ZNF530: variants seen among roughly 807,000 people sequenced by gnomAD.
ZNF530 encodes zinc finger protein 530.
A neutral mutation model predicts 2.8 loss-of-function variants in ZNF530; 5 were observed. The ratio of observed to expected loss-of-function variants is 1.80; its 90% CI spans 0.94 to 3.78. The LOEUF (loss-of-function observed/expected upper bound fraction) is 3.78, where lower values mean the gene tolerates loss of function less well. Among genes scored for constraint, ZNF530 ranks in the 30% most tolerant of loss-of-function variants. The pLI is 0.00. For synonymous variants in ZNF530, 229 were observed against 235.0 expected, an observed-to-expected ratio of 0.97 and a Z score of 0.23; for missense variants, 619 against 673.3, an observed-to-expected ratio of 0.92 and a Z score of 0.89.
chr19:57,604,295 G>A lies in ZNF530; in HGVS notation c.-51G>A, dbSNP rs1204009848. On this transcript the variant is annotated 5_prime_UTR_variant, in exon 3 of 4. Transcript: ENST00000597700. ...ATCATAGCAGGTTTTTGTAGCCTTT[G>A]AGGATGTGGCCATTTACTTCTCCCA... The A allele has an allele frequency of 3.1e-6, 5 of 1,614,144 alleles. No individual in the cohort carries two copies. The highest frequency in any genetic ancestry group is 3.3e-5 in the Admixed American group (2 of 60,024).
Position 57,600,013 on chromosome 19 carries a change from C to T in ZNF530, c.-243C>T. Reference sequence around the variant, plus strand: ...AGAGTCGTTTTCTCAGCTGCACAGCCGGGGCCTGACGGTCGCCGGCGGTGG... The same window carrying T: ...AGAGTCGTTTTCTCAGCTGCACAGCTGGGGCCTGACGGTCGCCGGCGGTGG... On this transcript the variant is annotated 5_prime_UTR_variant, in exon 1 of 4. Coordinates refer to ENST00000597700, the MANE Select transcript of ZNF530 (RefSeq NM_001321981.2). The T allele has an allele frequency of 7.2e-7, 1 of 1,397,384 alleles. No individual in the cohort carries two copies. The highest frequency in any genetic ancestry group is 9.6e-7 in the Non-Finnish European group (1 of 1,040,248). The allele number at this position is 1,397,384 out of a possible 1,614,324, so 86.6% of individuals were successfully genotyped here.
intron 2 of ZNF530, among the ~76,000 whole-genome samples, chr19:57,603,354 T>C (rs1980340135): frequency 6.6e-6 from 1 of 152,194 alleles, no homozygotes; most frequent in Admixed American, 6.5e-5. Flanking sequence ...AGCCAAACCA[T>C]ATTAGAGACA....
At chr19:57,611,053 A>G (rs988724285), downstream of ZNF530, among the ~76,000 whole-genome samples, 1 of 152,190 alleles carries the variant, frequency 6.6e-6, no homozygotes, top group Non-Finnish European at 1.5e-5. Flanking sequence ...CCTTGAGAGC[A>G]AGGCAAGCCA....
rs1980133680 is a variant in ZNF530 at position 57,599,940 on chromosome 19, G to T, written c.-316G>T. 5.5e-6 allele frequency: 4 copies of T among 721,676 alleles called. No homozygotes were observed. The highest frequency in any genetic ancestry group is 8.5e-6 in the Non-Finnish European group (4 of 468,740). The allele number at this position is 721,676 out of a possible 1,614,324, so 44.7% of individuals were successfully genotyped here. On this transcript the variant is annotated 5_prime_UTR_variant, in exon 1 of 4. Coordinates refer to ENST00000597700, the MANE Select transcript of ZNF530 (RefSeq NM_001321981.2). ...ACTTTGGCTTGTGTCAGTTCCATCC[G>T]CGGGTGCCGGATCTGGACCTAGGTG...
At chr19:57,603,082 G>A (rs1165207913) in intron 2 of ZNF530, among the ~76,000 whole-genome samples, 1 of 152,086 alleles carries the variant, frequency 6.6e-6, no homozygotes, top group Non-Finnish European at 1.5e-5. Context: ...GTAGAGACGG[G>A]GTTTCACCAC....
Position 57,606,601 on chromosome 19 carries a change from C to A in ZNF530, c.977C>A (p.Ser326Tyr). The change falls in exon 4 of 4, where the codon TCC becomes TAC. Residue 326 changes from serine to tyrosine, a missense_variant. Ser to Tyr is a moderately radical substitution (Grantham distance 144, BLOSUM62 -2). Coordinates refer to ENST00000597700, the MANE Select transcript of ZNF530 (RefSeq NM_001321981.2). Reference protein sequence around the residue: ...RPYECSECGKSFSHSTNLFRH... With the variant: ...RPYECSECGKYFSHSTNLFRH... ...TATGAGTGCAGTGAATGTGGAAAAT[C>A]CTTTAGCCATAGCACTAACCTCTTT... 6.2e-7 allele frequency: 1 copy of A among 1,613,982 alleles called. No homozygotes were observed. Among genetic ancestry groups the A allele is most frequent in the East Asian group, 2.2e-5 (1 of 44,856 alleles).
At chr19:57,605,616 A>G in intron 3 of ZNF530, 70 bp from the exon 4 acceptor site, 2 of 1,444,908 alleles carry the variant, frequency 1.4e-6, no homozygotes, top group Non-Finnish European at 1.9e-6. Flanking sequence ...TCATTCTTTG[A>G]CACACATTTT....
chr19:57,612,467 G>T (rs1980910939), downstream of ZNF530: 2 of 400,532 alleles, frequency 5.0e-6, no homozygotes, highest in African/African-American at 4.1e-5. Flanking sequence ...TATTCTGATA[G>T]CACTTTCTAA....
chr19:57,611,929 C>T (rs1162855489), downstream of ZNF530, among the ~76,000 whole-genome samples: 3 of 152,190 alleles, frequency 2.0e-5, no homozygotes, highest in Middle Eastern at 3.4e-3. Context: ...TAGAGACCAC[C>T]CCTGTAAATC....
At chr19:57,611,885 CTACTCT>C (rs2123471544), downstream of ZNF530, among the ~76,000 whole-genome samples, 1 of 152,222 alleles carries the variant, frequency 6.6e-6, no homozygotes, top group Non-Finnish European at 1.5e-5. Flanking sequence ...TCTTATCTAC[CTACTCT>C]AACACCAGGG....
At position 57,608,621 on chromosome 19, in the gene ZNF530, C is replaced by A. The variant is rs1980721830; in HGVS notation, c.*1296C>A. ...TAATGCCCTGCAATGTTTAGAATCC[C>A]TTAATGAGGTCCTGTGAAGGAGCTG... On this transcript the variant is annotated 3_prime_UTR_variant, in exon 4 of 4. Transcript: ENST00000597700. 6.6e-6 allele frequency: 1 copy of A among 152,108 alleles called. No individual in the cohort carries two copies. The highest frequency in any genetic ancestry group is 1.5e-5 in the Non-Finnish European group (1 of 68,012). The allele number at this position is 152,108 out of a possible 1,614,324, so 9.4% of individuals were successfully genotyped here.
Position 57,606,469 on chromosome 19 carries a change from G to A in ZNF530, c.845G>A (p.Arg282Gln). ...GTATCTGTCCTCATTCAACATCAACGAGTTCACACTGGAGAAAGGCCTTAT... is the reference window on the plus strand; with the variant it reads ...GTATCTGTCCTCATTCAACATCAACAAGTTCACACTGGAGAAAGGCCTTAT... ...RQVSVLIQHQ[R>Q]VHTGERPYEC... Residue 282 changes from arginine to glutamine, a missense_variant, in exon 4 of 4, where the codon CGA (arginine) becomes CAA (glutamine). Physicochemically the swap from Arg to Gln is conservative, Grantham distance 43. Coordinates refer to ENST00000597700, the MANE Select transcript of ZNF530 (RefSeq NM_001321981.2). 3 of 1,614,154 alleles carry A rather than the reference G, an allele frequency of 1.9e-6. No individual in the cohort carries two copies. The highest frequency in any genetic ancestry group is 1.3e-5 in the African/African-American group (1 of 75,032).
chr19:57,612,540 G>A (rs1341024271), downstream of ZNF530: 1 of 399,814 alleles, frequency 2.5e-6, no homozygotes, highest in East Asian at 3.6e-5. Context: ...AAGAGGCCTG[G>A]CATGGTGGCT....
intron 2 of ZNF530, among the ~76,000 whole-genome samples, chr19:57,601,454 G>T (rs936522171): frequency 1.3e-5 from 2 of 152,208 alleles, no homozygotes; most frequent in Non-Finnish European, 2.9e-5. Flanking sequence ...TCCATCTACT[G>T]GGAGAGCCAA....
Position 57,600,104 on chromosome 19 carries a change from G to T in ZNF530, c.-152G>T. The T allele has an allele frequency of 1.3e-6, 2 of 1,561,096 alleles. No individual in the cohort carries two copies. Among genetic ancestry groups the T allele is most frequent in the Non-Finnish European group, 8.7e-7 (1 of 1,151,576 alleles). ...TCCCGGCCCGCTCCGCCCAGAGTCCGATGGCGGCGGCACTGAGGGCCCCGA... is the reference window on the plus strand; with the variant it reads ...TCCCGGCCCGCTCCGCCCAGAGTCCTATGGCGGCGGCACTGAGGGCCCCGA... On this transcript the variant is annotated 5_prime_UTR_variant, in exon 1 of 4. Coordinates refer to ENST00000597700, the MANE Select transcript of ZNF530 (RefSeq NM_001321981.2).
At chr19:57,602,601 G>T (rs147498952) in intron 2 of ZNF530, among the ~76,000 whole-genome samples, 192 of 152,290 alleles carry the variant, frequency 1.3e-3, no homozygotes, top group Middle Eastern at 3.4e-3. Context: ...GTTATAGAGG[G>T]AAGCAGCCCT....
chr19:57,607,071 G>C lies in ZNF530; in HGVS notation c.1447G>C (p.Glu483Gln). The C allele has an allele frequency of 1.2e-6, 2 of 1,613,048 alleles. No homozygotes were observed. Among genetic ancestry groups the C allele is most frequent in the South Asian group, 1.1e-5 (1 of 91,062 alleles). ...LIRHQTVHTN[E>Q]RPYECDECGK... ...TCGACACCAGACTGTTCACACTAATGAAAGGCCTTATGAGTGCGATGAATG... is the reference window on the plus strand; with the variant it reads ...TCGACACCAGACTGTTCACACTAATCAAAGGCCTTATGAGTGCGATGAATG... Residue 483 changes from glutamate to glutamine, a missense_variant, in exon 4 of 4, where the codon GAA (glutamate) becomes CAA (glutamine). Physicochemically the swap from Glu to Gln is conservative, Grantham distance 29. Coordinates refer to ENST00000597700, the MANE Select transcript of ZNF530 (RefSeq NM_001321981.2).
At position 57,599,931 on chromosome 19, in the gene ZNF530, G is replaced by C; in HGVS notation, c.-325G>C. Reference sequence around the variant, plus strand: ...GTGGCGGGCACTTTGGCTTGTGTCAGTTCCATCCGCGGGTGCCGGATCTGG... The same window carrying C: ...GTGGCGGGCACTTTGGCTTGTGTCACTTCCATCCGCGGGTGCCGGATCTGG... On this transcript the variant is annotated 5_prime_UTR_variant, in exon 1 of 4. Transcript: ENST00000597700. 2.9e-6 allele frequency: 2 copies of C among 689,630 alleles called. No individual in the cohort carries two copies. Among genetic ancestry groups the C allele is most frequent in the Non-Finnish European group, 4.6e-6 (2 of 434,822 alleles). The allele number at this position is 689,630 out of a possible 1,614,324, so 42.7% of individuals were successfully genotyped here.
At position 57,607,044 on chromosome 19, in the gene ZNF530, A is replaced by G; in HGVS notation, c.1420A>G (p.Ile474Val). The G allele has an allele frequency of 6.2e-7, 1 of 1,612,854 alleles. No homozygotes were observed. The change falls in exon 4 of 4, where the codon ATT (isoleucine) becomes GTT (valine). Residue 474 changes from isoleucine to valine, a missense_variant. Coordinates refer to ENST00000597700, the MANE Select transcript of ZNF530 (RefSeq NM_001321981.2). Reference sequence around the variant, plus strand: ...ATCTTTTATCCGAAAAACCCACCTCATTCGACACCAGACTGTTCACACTAA... The same window carrying G: ...ATCTTTTATCCGAAAAACCCACCTCGTTCGACACCAGACTGTTCACACTAA... ...GKSFIRKTHL[I>V]RHQTVHTNER...
Sources: allele counts gnomAD v4.1 joint callset (sites outside exome capture counted in the v4.1 genomes callset), GRCh38; gene constraint gnomAD v4.1.1; transcripts MANE v1.5; gene names NCBI Gene and HGNC (gene_info 2026-07-23, HGNC 2026-07-21).